The following SLC9A9 variants were observed in gnomAD, a reference collection of about 807,000 sequenced individuals.
SLC9A9 encodes sodium/hydrogen exchanger 9.
SLC9A9 carries 62 observed loss-of-function variants against 77.8 expected under a neutral mutation model. The ratio of observed to expected loss-of-function variants is 0.80; its 90% CI spans 0.65 to 0.98. The LOEUF is 0.98. Among genes scored for constraint, SLC9A9 ranks in the 50% least tolerant of loss-of-function variants. The probability of loss-of-function intolerance (pLI) is 0.00; values close to 1 mark genes in which losing one functional copy is unlikely to be tolerated. For synonymous variants in SLC9A9, 320 were observed against 283.5 expected, an observed-to-expected ratio of 1.13 and a Z score of -1.29; for missense variants, 775 against 774.9, an observed-to-expected ratio of 1.00 and a Z score of 0.00.
At position 143,652,236 on chromosome 3, in the gene SLC9A9, G is replaced by A. The variant is rs1429071970; in HGVS notation, c.755+19C>T. ...ATTTCACATGATTAAAGAAACATAG[G>A]CCAAGTTCTGGTACTTACTATGTAA... is the stretch of plus-strand genomic sequence containing the variant. On this transcript the variant is annotated intron_variant, in intron 6 of 15. Transcript: ENST00000316549. The A allele has an allele frequency of 1.3e-6, 2 of 1,583,346 alleles. No individual in the cohort carries two copies. Among genetic ancestry groups the A allele is most frequent in the East Asian group, 2.2e-5 (1 of 44,616 alleles).
intron 5 of SLC9A9, among the ~76,000 whole-genome samples, chr3:143,686,532 A>G (rs928255404): frequency 2.6e-5 from 4 of 152,048 alleles, no homozygotes; most frequent in African/African-American, 9.7e-5. Context: ...GAAGGTGGGG[A>G]GGGAGCAACA....
chr3:143,478,237 C>A (rs838635), intron 11 of SLC9A9, among the ~76,000 whole-genome samples: 34,342 of 152,234 alleles, frequency 0.23, 5,057 homozygotes, highest in Non-Finnish European at 0.33. Context: ...AACACACATG[C>A]TTTCACTTCG....
chr3:143,688,834 T>TA (rs1576660689), intron 5 of SLC9A9, among the ~76,000 whole-genome samples: 2 of 152,214 alleles, frequency 1.3e-5, no homozygotes, highest in East Asian at 3.9e-4. Flanking sequence ...GTTTGTAACT[T>TA]ATATGACAGA....
chr3:143,515,097 T>C (rs1409440744), intron 9 of SLC9A9, among the ~76,000 whole-genome samples: 2 of 152,040 alleles, frequency 1.3e-5, no homozygotes, highest in Non-Finnish European at 2.9e-5. Flanking sequence ...GTTAGCCTAA[T>C]TTCAGTGTTT....
chr3:143,841,561 T>G (rs2009707176), intron 1 of SLC9A9, among the ~76,000 whole-genome samples: 2 of 152,200 alleles, frequency 1.3e-5, no homozygotes, highest in South Asian at 4.1e-4. Flanking sequence ...AGATGGTATA[T>G]GATATCTACA....
intron 9 of SLC9A9, among the ~76,000 whole-genome samples, chr3:143,508,369 C>T (rs564156459): frequency 1.4e-4 from 21 of 152,254 alleles, no homozygotes; most frequent in Non-Finnish European, 2.1e-4. Context: ...GTTTCATGAT[C>T]GGCCATTACA....
chr3:143,397,233 T>TC, intron 12 of SLC9A9, among the ~76,000 whole-genome samples: 1 of 152,354 alleles, frequency 6.6e-6, no homozygotes, highest in Admixed American at 6.5e-5. Context: ...TGGCCTTTCT[T>TC]CCCTAAGGCT....
At chr3:143,384,694 G>T (rs2033380289) in intron 12 of SLC9A9, among the ~76,000 whole-genome samples, 1 of 152,074 alleles carries the variant, frequency 6.6e-6, no homozygotes, top group African/African-American at 2.4e-5. Flanking sequence ...GACCTGACTG[G>T]GAAGAAGACT....
intron 9 of SLC9A9, chr3:143,517,847 C>T: frequency 1.2e-6 from 2 of 1,600,402 alleles, no homozygotes; most frequent in Non-Finnish European, 1.7e-6. Flanking sequence ...CTGGAGTTCA[C>T]CATCGTTTAG....
chr3:143,365,771 GCA>G (rs1346567914), intron 13 of SLC9A9, among the ~76,000 whole-genome samples: 3 of 152,150 alleles, frequency 2.0e-5, no homozygotes, highest in South Asian at 2.1e-4. Flanking sequence ...AATGACTGTT[GCA>G]CACAGTGTTT....
intron 14 of SLC9A9, among the ~76,000 whole-genome samples, chr3:143,339,759 A>G (rs58505515): frequency 0.032 from 4,847 of 152,270 alleles, 263 homozygotes; most frequent in African/African-American, 0.11. Context: ...TTCCTGTTCC[A>G]AAGCTGAGCT....
intron 8 of SLC9A9, among the ~76,000 whole-genome samples, chr3:143,556,865 C>A (rs1481977844): frequency 6.6e-6 from 1 of 152,134 alleles, no homozygotes; most frequent in Non-Finnish European, 1.5e-5. Context: ...CAACTTGTAT[C>A]TTTGCTGTCA....
intron 13 of SLC9A9, chr3:143,381,851 C>T (rs2033311060): frequency 3.4e-6 from 2 of 594,356 alleles, no homozygotes; most frequent in Non-Finnish European, 6.0e-6. Flanking sequence ...GAGAGGCTTG[C>T]AAGTACATGC....
intron 8 of SLC9A9, among the ~76,000 whole-genome samples, chr3:143,571,911 G>T (rs1297399376): frequency 6.6e-6 from 1 of 152,218 alleles, no homozygotes; most frequent in African/African-American, 2.4e-5. Context: ...GGACTAAGCG[G>T]TCTTGGTCTT....
intron 14 of SLC9A9, among the ~76,000 whole-genome samples, chr3:143,269,504 T>C (rs555250226): frequency 6.6e-6 from 1 of 152,356 alleles, no homozygotes; most frequent in South Asian, 2.1e-4. Context: ...TGGATTTCTA[T>C]ACAAAATTAT....
chr3:143,664,906 G>A (rs891270490), intron 5 of SLC9A9, among the ~76,000 whole-genome samples: 2 of 152,198 alleles, frequency 1.3e-5, no homozygotes, highest in African/African-American at 4.8e-5. Flanking sequence ...ATACCCCACT[G>A]TTAACATTAG....
At position 143,606,430 on chromosome 3, in the gene SLC9A9, CTCTCTCTATATA is replaced by C. The variant is rs1190205668; in HGVS notation, c.756-27719_756-27708del. ...TCTCTCTCTCTCTCTCTCTCTCTCT[CTCTCTCTATATA>C]TATATATATATATATATATGTATAT... is the stretch of plus-strand genomic sequence containing the variant. On this transcript the variant is annotated intron_variant, in intron 6 of 15. Transcript: ENST00000316549. Among the ~76,000 whole-genome samples, 396 of 63,336 alleles carry C rather than the reference CTCTCTCTATATA, an allele frequency of 6.3e-3. 2 individuals carry two copies. Among genetic ancestry groups the C allele is most frequent in the Middle Eastern group, 0.031 (4 of 128 alleles). 41.6% of individuals were successfully genotyped at this position (63,336 alleles called of 152,430 possible).
At chr3:143,567,348 A>ACACATC (rs2037184801) in intron 8 of SLC9A9, among the ~76,000 whole-genome samples, 1 of 152,142 alleles carries the variant, frequency 6.6e-6, no homozygotes, top group Non-Finnish European at 1.5e-5. Flanking sequence ...AGTATGGCAG[A>ACACATC]CACATCCACA....
intron 12 of SLC9A9, among the ~76,000 whole-genome samples, chr3:143,442,547 C>T (rs897211266): frequency 1.3e-5 from 2 of 152,060 alleles, no homozygotes; most frequent in Non-Finnish European, 2.9e-5. Context: ...ACAGGGAAAC[C>T]CCGTCTCTAC....
Sources: gnomAD v4.1 joint callset for allele counts (sites outside exome capture counted in the v4.1 genomes callset) on GRCh38, gnomAD v4.1.1 for gene constraint, MANE v1.5 for transcripts, NCBI Gene and HGNC (gene_info 2026-07-23, HGNC 2026-07-21) for gene names.